The following KAZN variants were observed in gnomAD, a reference collection of about 807,000 sequenced individuals.
KAZN encodes the protein kazrin, periplakin interacting protein.
A neutral mutation model predicts 87.4 loss-of-function variants in KAZN; 40 were observed. The ratio of observed to expected loss-of-function variants is 0.46; its 90% CI spans 0.36 to 0.60. The LOEUF (loss-of-function observed/expected upper bound fraction) is 0.60, where lower values mean the gene tolerates loss of function less well. KAZN is among the 20% of genes least tolerant of loss of function. KAZN has a pLI of 0.00. For synonymous variants in KAZN, 466 were observed against 458.3 expected (o/e 1.02, Z -0.22); for missense variants, 898 against 1,073.9 (o/e 0.84, Z 2.29).
intron 1 of KAZN, among the ~76,000 whole-genome samples, chr1:14,646,155 C>T (rs1313504301): frequency 1.3e-5 from 2 of 152,018 alleles, no homozygotes; most frequent in Non-Finnish European, 2.9e-5. Context: ...GTGATAGACC[C>T]CGGCCATATC....
chr1:15,037,391 C>T (rs1573136195), intron 3 of KAZN, among the ~76,000 whole-genome samples: 2 of 152,262 alleles, frequency 1.3e-5, no homozygotes, highest in South Asian at 4.1e-4. Flanking sequence ...GGATTAAGAG[C>T]AGACAGATAG....
chr1:14,854,908 G>A (rs780334634), intron 1 of KAZN, among the ~76,000 whole-genome samples: 2 of 152,142 alleles, frequency 1.3e-5, no homozygotes, highest in Admixed American at 1.3e-4. Flanking sequence ...TTCTGAGCTT[G>A]TTAGGGTCCA....
chr1:15,034,877 C>G lies in KAZN; in HGVS notation c.547C>G (p.His183Asp). ...AGACTTCATCCGCAACTATGAGCAG[C>G]ACCGCAAGGTCAGCCGCCGCCCTGC... Reference protein sequence around the residue: ...LRDFIRNYEQHRKESEDAVKA... With the variant: ...LRDFIRNYEQDRKESEDAVKA... The change falls in exon 3 of 15, where the codon CAC becomes GAC. Residue 183 changes from histidine to aspartate, a missense_variant. Physicochemically the swap from His to Asp is moderately conservative, Grantham distance 81 (BLOSUM62 -1). Coordinates refer to ENST00000376030, the MANE Select transcript of KAZN (RefSeq NM_201628.3). The G allele has an allele frequency of 6.2e-7, 1 of 1,613,810 alleles. No individual in the cohort carries two copies. The highest frequency in any genetic ancestry group is 1.1e-5 in the South Asian group (1 of 91,058).
intron 13 of KAZN, among the ~76,000 whole-genome samples, chr1:15,104,886 G>A (rs576226779): frequency 6.6e-6 from 1 of 152,298 alleles, no homozygotes; most frequent in East Asian, 1.9e-4. Flanking sequence ...ACCAAGCTAT[G>A]TGCCCAAGAT....
chr1:14,503,552 C>T (rs1571810987), intron 2 of KAZN, among the ~76,000 whole-genome samples: 1 of 148,802 alleles, frequency 6.7e-6, no homozygotes, highest in South Asian at 2.2e-4. Context: ...ACTAGATGAT[C>T]AATAAATATT....
chr1:14,597,035 G>A (rs1572011796), upstream of KAZN, among the ~76,000 whole-genome samples: 1 of 152,164 alleles, frequency 6.6e-6, no homozygotes, highest in Admixed American at 6.5e-5. Flanking sequence ...CTGCACCACG[G>A]CATCCCCCTT....
At chr1:14,180,333 C>T in intron 1 of KAZN, 1 of 995,148 alleles carries the variant, frequency 1.0e-6, no homozygotes, top group African/African-American at 1.6e-5. Context: ...CTGGCTTAGA[C>T]CTTGTATGTA....
At chr1:14,096,080 A>G (rs1458842988) in intron 1 of KAZN, among the ~76,000 whole-genome samples, 1 of 152,184 alleles carries the variant, frequency 6.6e-6, no homozygotes, top group African/African-American at 2.4e-5. Flanking sequence ...ACTACTAATA[A>G]CAGTGTTTAT....
At chr1:13,955,185 C>T (rs1043031107) in intron 1 of KAZN, among the ~76,000 whole-genome samples, 5 of 152,078 alleles carry the variant, frequency 3.3e-5, no homozygotes, top group Non-Finnish European at 5.9e-5. Flanking sequence ...TTTGATTGAT[C>T]TCATCAAAAG....
chr1:14,073,648 G>A (rs758539513), intron 1 of KAZN, among the ~76,000 whole-genome samples: 154 of 152,194 alleles, frequency 1.0e-3, no homozygotes, highest in Non-Finnish European at 1.5e-3. Flanking sequence ...AGAACATGCG[G>A]TGTTTGATTT....
intron 1 of KAZN, among the ~76,000 whole-genome samples, chr1:14,679,543 G>A (rs1640444524): frequency 1.3e-5 from 2 of 152,124 alleles, no homozygotes; most frequent in Admixed American, 1.3e-4. Context: ...GTTGTTTGCT[G>A]TCTCTAGGAA....
chr1:14,213,332 C>T (rs1002169526), intron 2 of KAZN, among the ~76,000 whole-genome samples: 4 of 152,122 alleles, frequency 2.6e-5, no homozygotes, highest in South Asian at 2.1e-4. Context: ...CCATCCCCTC[C>T]GGCCTAAATA....
chr1:14,051,530 A>G (rs1642328974), intron 1 of KAZN, among the ~76,000 whole-genome samples: 2 of 152,204 alleles, frequency 1.3e-5, no homozygotes, highest in African/African-American at 4.8e-5. Context: ...GTTTCTCTTC[A>G]ACTGAAAGGT....
At chr1:14,029,582 T>G (rs1252268385) in intron 1 of KAZN, among the ~76,000 whole-genome samples, 1 of 148,266 alleles carries the variant, frequency 6.7e-6, no homozygotes, top group African/African-American at 2.5e-5. Flanking sequence ...TGCCTAGGTT[T>G]TCTTCTAGGG....
chr1:13,998,262 G>T (rs1435947933), intron 1 of KAZN, among the ~76,000 whole-genome samples: 1 of 152,136 alleles, frequency 6.6e-6, no homozygotes, highest in East Asian at 1.9e-4. Flanking sequence ...ACCAACCACT[G>T]CAAAAACACA....
rs1641867570 is a variant in KAZN at position 15,117,091 on chromosome 1, T to C, written c.*2456T>C. On this transcript the variant is annotated 3_prime_UTR_variant, in exon 15 of 15. Coordinates refer to ENST00000376030, the MANE Select transcript of KAZN (RefSeq NM_201628.3). ...CTCCACAGTATCAGATTGAGTGAGC[T>C]TTGTCTGCTGGAAAAACCTGAAACG... 1 of 152,192 alleles carries C rather than the reference T, an allele frequency of 6.6e-6. No individual in the cohort carries two copies. The highest frequency in any genetic ancestry group is 2.1e-4 in the South Asian group (1 of 4,826). The allele number at this position is 152,192 out of a possible 1,614,324, so 9.4% of individuals were successfully genotyped here.
chr1:13,906,634 T>G (rs1478999502), intron 1 of KAZN, among the ~76,000 whole-genome samples: 36 of 152,330 alleles, frequency 2.4e-4, no homozygotes, highest in Non-Finnish European at 5.9e-5. Context: ...ACCTTTAATG[T>G]CTTCCATTCT....
intron 1 of KAZN, among the ~76,000 whole-genome samples, chr1:14,038,424 A>G (rs551827661): frequency 6.6e-6 from 1 of 152,310 alleles, no homozygotes; most frequent in South Asian, 2.1e-4. Context: ...TTATGCAGGA[A>G]CATCCTGCAC....
chr1:14,200,011 T>A (rs534096733), intron 2 of KAZN, among the ~76,000 whole-genome samples: 105 of 152,206 alleles, frequency 6.9e-4, no homozygotes, highest in African/African-American at 2.5e-3. Flanking sequence ...CTTCATTTCA[T>A]TTGTATCACA....
Sources: allele counts gnomAD v4.1 joint callset (sites outside exome capture counted in the v4.1 genomes callset), GRCh38; gene constraint gnomAD v4.1.1; transcripts MANE v1.5; gene names NCBI Gene and HGNC (gene_info 2026-07-23, HGNC 2026-07-21).